The following RTL4 variants were observed in gnomAD, a reference collection of about 807,000 sequenced individuals.
RTL4 encodes retrotransposon Gag-like protein 4.
Under a neutral mutation model 5.3 loss-of-function variants are expected in RTL4, and 4 were observed. That is an observed-to-expected ratio of 0.75 (90% confidence interval 0.37 to 1.72). RTL4 has a LOEUF of 1.72. Ranked by LOEUF, RTL4 falls within the 40% of genes most tolerant of loss-of-function variation. The pLI, the probability that RTL4 is intolerant of heterozygous loss-of-function variation, is 0.04. For synonymous variants in RTL4, 98 were observed against 87.3 expected (o/e 1.12, Z -0.68); for missense variants, 260 against 227.1 (o/e 1.14, Z -0.93).
At chrX:112,457,511 C>G (rs1926865125), downstream of RTL4, among the ~76,000 whole-genome samples, 1 of 111,703 alleles carries the variant, frequency 9.0e-6, no homozygotes, top group South Asian at 3.8e-4. Context: ...AAGGACTAAC[C>G]TCATGGCCTC....
At chrX:112,163,659 C>T in the RTL4 span, among the ~76,000 whole-genome samples, 1 of 112,207 alleles carries the variant, frequency 8.9e-6, no homozygotes, top group Non-Finnish European at 1.9e-5. Flanking sequence ...TCTTCAAATA[C>T]CAGCTTTGTG....
At chrX:112,089,288 A>T in the RTL4 span, among the ~76,000 whole-genome samples, 1 of 110,954 alleles carries the variant, frequency 9.0e-6, no homozygotes, top group Non-Finnish European at 1.9e-5. Flanking sequence ...TTTGTTACTT[A>T]TGCTTTCAGT....
the RTL4 span, among the ~76,000 whole-genome samples, chrX:112,300,042 T>A: frequency 8.9e-6 from 1 of 111,865 alleles, no homozygotes; most frequent in East Asian, 2.8e-4. Context: ...CAGTTTTGTA[T>A]TTTTGTATCT....
At chrX:112,252,582 T>C in the RTL4 span, among the ~76,000 whole-genome samples, 12 of 111,119 alleles carry the variant, frequency 1.1e-4, no homozygotes, top group East Asian at 3.4e-3. Context: ...TGCTCTGTGC[T>C]CCACCTACTC....
the RTL4 span, among the ~76,000 whole-genome samples, chrX:112,338,798 A>G: frequency 8.9e-6 from 1 of 112,106 alleles, no homozygotes; most frequent in Non-Finnish European, 1.9e-5. Flanking sequence ...GCAGGCCCCA[A>G]AAATCATTTG....
chrX:112,280,448 A>G, the RTL4 span, among the ~76,000 whole-genome samples: 3 of 111,482 alleles, frequency 2.7e-5, no homozygotes, highest in East Asian at 8.5e-4. Context: ...CTGTACATGT[A>G]TCCACTGAAT....
the RTL4 span, among the ~76,000 whole-genome samples, chrX:112,161,387 G>T: frequency 9.0e-6 from 1 of 111,573 alleles, no homozygotes; most frequent in African/African-American, 3.3e-5. Flanking sequence ...TCTCTTTCCA[G>T]TTGTTCAGTA....
chrX:112,272,140 G>A, the RTL4 span, among the ~76,000 whole-genome samples: 3 of 111,664 alleles, frequency 2.7e-5, no homozygotes, highest in African/African-American at 9.8e-5. Flanking sequence ...TTTATCCTGC[G>A]TGCATAACTG....
chrX:112,315,379 A>G, the RTL4 span, among the ~76,000 whole-genome samples: 19 of 111,052 alleles, frequency 1.7e-4, no homozygotes, highest in African/African-American at 6.2e-4. Flanking sequence ...CCAGGGGAAG[A>G]ACTCATGACC....
At chrX:112,356,571 T>A in the RTL4 span, among the ~76,000 whole-genome samples, 1 of 91,691 alleles carries the variant, frequency 1.1e-5, no homozygotes, top group African/African-American at 5.2e-5. Context: ...AAATCCCATT[T>A]GTTTTGGGGT....
the RTL4 span, among the ~76,000 whole-genome samples, chrX:112,306,999 G>T: frequency 9.1e-6 from 1 of 110,038 alleles, no homozygotes; most frequent in Non-Finnish European, 1.9e-5. Context: ...GTGTGTGTAT[G>T]CCGCCTCTGG....
the RTL4 span, among the ~76,000 whole-genome samples, chrX:112,237,611 C>T: frequency 0.15 from 17,049 of 111,946 alleles, 892 homozygotes; most frequent in Non-Finnish European, 0.17. Flanking sequence ...TTCCTCCAAG[C>T]TTATACAGCT....
At chrX:112,377,729 G>A in the RTL4 span, among the ~76,000 whole-genome samples, 1 of 111,776 alleles carries the variant, frequency 8.9e-6, no homozygotes, top group Non-Finnish European at 1.9e-5. Context: ...TACCATGTAA[G>A]CAGCCTTGTT....
the RTL4 span, among the ~76,000 whole-genome samples, chrX:112,193,167 T>C: frequency 9.0e-6 from 1 of 111,700 alleles, no homozygotes; most frequent in African/African-American, 3.2e-5. Flanking sequence ...GATAACATAA[T>C]TGTAGTGTAT....
the RTL4 span, among the ~76,000 whole-genome samples, chrX:112,342,829 T>C: frequency 1.8e-5 from 2 of 111,901 alleles, no homozygotes; most frequent in African/African-American, 3.2e-5. Context: ...TAGCCGGACG[T>C]GGTGGCTCAT....
the RTL4 span, among the ~76,000 whole-genome samples, chrX:112,260,612 T>A: frequency 2.7e-5 from 3 of 111,857 alleles, no homozygotes; most frequent in African/African-American, 9.7e-5. Flanking sequence ...AAAATCACCA[T>A]CTTTATTATA....
the RTL4 span, among the ~76,000 whole-genome samples, chrX:112,118,525 T>C: frequency 8.9e-6 from 1 of 112,009 alleles, no homozygotes; most frequent in African/African-American, 3.2e-5. Context: ...TTCTATAATT[T>C]AATCTCCTAA....
chrX:112,332,235 G>A, the RTL4 span, among the ~76,000 whole-genome samples: 1 of 110,737 alleles, frequency 9.0e-6, no homozygotes, highest in African/African-American at 3.3e-5. Context: ...CTGTTGGTGG[G>A]ACTGTAAACT....
the RTL4 span, among the ~76,000 whole-genome samples, chrX:112,280,791 G>A: frequency 5.4e-5 from 6 of 111,135 alleles, no homozygotes; most frequent in South Asian, 7.6e-4. Flanking sequence ...CACCAAACCC[G>A]GCCCTAAAAT....
Sources: allele counts gnomAD v4.1 joint callset (sites outside exome capture counted in the v4.1 genomes callset), GRCh38; gene constraint gnomAD v4.1.1; transcripts MANE v1.5; gene names NCBI Gene and HGNC (gene_info 2026-07-23, HGNC 2026-07-21).